The following ZMYM2 variants were observed in gnomAD, a reference collection of about 807,000 sequenced individuals.
ZMYM2 encodes the protein zinc finger MYM-type protein 2.
Under a neutral mutation model 162.8 loss-of-function variants are expected in ZMYM2, and 56 were observed. The ratio of observed to expected loss-of-function variants is 0.34; its 90% CI spans 0.28 to 0.43. ZMYM2 has a LOEUF of 0.43. Ranked by LOEUF, ZMYM2 falls within the 20% of genes least tolerant of loss-of-function variation. ZMYM2 has a pLI of 1.00. For missense variants in ZMYM2, 1,275 were observed against 1,621.8 expected (o/e 0.79, Z 3.67); for synonymous variants, 510 against 541.6 (o/e 0.94, Z 0.81).
chr13:19,926,612 C>T, the ZMYM2 span, among the ~76,000 whole-genome samples: 1 of 152,146 alleles, frequency 6.6e-6, no homozygotes, highest in African/African-American at 2.4e-5. Context: ...GATCCACCCA[C>T]CTCGGCCTCC....
rs2139912123 is a variant in ZMYM2 at position 20,003,070 on chromosome 13, T to C, written c.1068T>C (p.Ser356=). 6 of 1,614,224 alleles carry C rather than the reference T, an allele frequency of 3.7e-6. No individual in the cohort carries two copies. The highest frequency in any genetic ancestry group is 2.2e-5 in the East Asian group (1 of 44,888). Residue 356 remains serine (S), a synonymous_variant, in exon 4 of 25, where the codon TCT becomes TCC. Transcript: ENST00000610343. ...QRKGSAHLFC[S]TTCLSSFSHK... is the part of the protein sequence containing the mutation. ...AAGGATCAGCTCACCTCTTTTGTTC[T>C]ACCACCTGCCTTTCTTCCTTCTCCC... is the stretch of plus-strand genomic sequence containing the variant.
chr13:20,005,229 A>G lies in ZMYM2; in HGVS notation c.1289A>G (p.Lys430Arg). Residue 430 changes from lysine to arginine, a missense_variant, in exon 5 of 25, where the codon AAA becomes AGA. This residue lies in a region of ZMYM2 where 276 missense variants were observed against 311.8 expected (regional missense o/e 0.89). Transcript: ENST00000610343. ...AAATCAAGATGTACAATCTGTGGTA[A>G]ACTAACTGAGGTTTGTATTTTTTTT... Reference protein sequence around the residue: ...LNKSRCTICGKLTEIRHEVSF... With the variant: ...LNKSRCTICGRLTEIRHEVSF... 6.4e-7 allele frequency: 1 copy of G among 1,554,840 alleles called. No individual in the cohort carries two copies. The highest frequency in any genetic ancestry group is 8.6e-7 in the Non-Finnish European group (1 of 1,158,676).
Position 20,078,325 on chromosome 13 carries a change from AAGTAGAATCT to A in ZMYM2, c.3454-3689_3454-3680del, listed in dbSNP as rs1012610977. Among the ~76,000 whole-genome samples, 24 of 36,134 alleles carry A rather than the reference AAGTAGAATCT, an allele frequency of 6.6e-4. No individual in the cohort carries two copies. In the East Asian group the frequency reaches 0.15, roughly 232 times the overall value. The allele number at this position is 36,134 out of a possible 152,430, so 23.7% of individuals were successfully genotyped here. On this transcript the variant is annotated intron_variant, in intron 21 of 24. Transcript: ENST00000610343. ...AAAACAACTGATTTGAGAGACTTAG[AAGTAGAATCT>A]ATCTAATAGCCCTCAAATTATGAAT...
the ZMYM2 span, among the ~76,000 whole-genome samples, chr13:19,921,700 A>G: frequency 6.6e-6 from 1 of 152,136 alleles, no homozygotes; most frequent in Non-Finnish European, 1.5e-5. Flanking sequence ...AATAACTTTA[A>G]TGTTTTTCTT....
chr13:20,001,052 A>T (rs1202197899), intron 3 of ZMYM2, among the ~76,000 whole-genome samples: 1 of 152,172 alleles, frequency 6.6e-6, no homozygotes, highest in Non-Finnish European at 1.5e-5. Context: ...TGGAGGAAGT[A>T]ATTGTAGATG....
chr13:19,943,594 T>C, the ZMYM2 span, among the ~76,000 whole-genome samples: 2 of 152,204 alleles, frequency 1.3e-5, no homozygotes, highest in African/African-American at 2.4e-5. Context: ...GCTGGGCATT[T>C]TGAAGTCTTT....
chr13:20,065,621 T>TA (rs1253125231), intron 19 of ZMYM2, among the ~76,000 whole-genome samples: 1 of 151,884 alleles, frequency 6.6e-6, no homozygotes, highest in Non-Finnish European at 1.5e-5. Flanking sequence ...CTGGGCAACA[T>TA]AGTGAGACCT....
chr13:19,968,119 A>G (rs1566174680), intron 2 of ZMYM2, among the ~76,000 whole-genome samples: 1 of 152,242 alleles, frequency 6.6e-6, no homozygotes, highest in Non-Finnish European at 1.5e-5. Flanking sequence ...TGAGGTCGCT[A>G]GTGACCTAAT....
the ZMYM2 span, among the ~76,000 whole-genome samples, chr13:19,918,971 C>A: frequency 6.6e-6 from 1 of 152,122 alleles, no homozygotes; most frequent in Non-Finnish European, 1.5e-5. Flanking sequence ...ACTGTTCTAT[C>A]ACCTCAAAGA....
At chr13:19,910,088 G>A in the ZMYM2 span, among the ~76,000 whole-genome samples, 5 of 151,790 alleles carry the variant, frequency 3.3e-5, no homozygotes, top group East Asian at 2.0e-4. Context: ...TTAGCTGAGC[G>A]TGGTGGCGGG....
upstream of ZMYM2, among the ~76,000 whole-genome samples, chr13:19,955,942 T>C (rs1438706834): frequency 6.6e-6 from 1 of 152,242 alleles, no homozygotes; most frequent in Non-Finnish European, 1.5e-5. Flanking sequence ...TTTTGACAGG[T>C]ACAGAATAGA....
chr13:19,866,521 C>G, the ZMYM2 span, among the ~76,000 whole-genome samples: 16 of 152,086 alleles, frequency 1.1e-4, no homozygotes, highest in African/African-American at 3.9e-4. Flanking sequence ...CAAAAGTAGC[C>G]GGGCGTGGTG....
chr13:20,033,142 G>A (rs1449757979), intron 10 of ZMYM2, among the ~76,000 whole-genome samples: 1 of 151,942 alleles, frequency 6.6e-6, no homozygotes, highest in Non-Finnish European at 1.5e-5. Flanking sequence ...AGTGATGAGG[G>A]AATGAAGAAA....
At chr13:19,964,822 ATG>A (rs1955592933) in intron 2 of ZMYM2, among the ~76,000 whole-genome samples, 2 of 152,064 alleles carry the variant, frequency 1.3e-5, no homozygotes, top group African/African-American at 4.8e-5. Flanking sequence ...ATCCATAAAA[ATG>A]TTTTTTTATA....
intron 2 of ZMYM2, chr13:19,965,221 C>A (rs780838940): frequency 7.1e-5 from 91 of 1,288,566 alleles, no homozygotes; most frequent in Non-Finnish European, 9.1e-5. Flanking sequence ...ACTTTATAGC[C>A]ATACATGTGT....
chr13:20,063,916 ATTTT>A (rs1956469185), intron 18 of ZMYM2, among the ~76,000 whole-genome samples: 1 of 144,732 alleles, frequency 6.9e-6, no homozygotes, highest in Non-Finnish European at 1.5e-5. Flanking sequence ...TATAATATAT[ATTTT>A]ATATATATTA....
chr13:19,902,344 C>T, the ZMYM2 span, among the ~76,000 whole-genome samples: 11 of 152,262 alleles, frequency 7.2e-5, no homozygotes, highest in African/African-American at 2.2e-4. Flanking sequence ...ATGCTGGGCG[C>T]GGTGGCTCAC....
intron 3 of ZMYM2, among the ~76,000 whole-genome samples, chr13:19,999,493 T>A (rs992410151): frequency 6.6e-6 from 1 of 152,186 alleles, no homozygotes; most frequent in Non-Finnish European, 1.5e-5. Flanking sequence ...AATTGATAAA[T>A]GTTGTGTGTG....
chr13:20,077,731 T>C (rs893243862), intron 21 of ZMYM2, among the ~76,000 whole-genome samples: 1 of 152,206 alleles, frequency 6.6e-6, no homozygotes, highest in Non-Finnish European at 1.5e-5. Context: ...TTTGGGGTAT[T>C]GAGGCTGAGG....
Sources: gnomAD v4.1 joint callset for allele counts (sites outside exome capture counted in the v4.1 genomes callset) on GRCh38, gnomAD v4.1.1 for gene constraint, gnomAD v4.1.1 regional missense constraint, MANE v1.5 for transcripts, NCBI Gene and HGNC (gene_info 2026-07-23, HGNC 2026-07-21) for gene names.